Variants in NELL1 observed in about 807,000 individuals in gnomAD.
NELL1 encodes the protein neural EGFL like 1.
NELL1 carries 76 observed loss-of-function variants against 107.4 expected under a neutral mutation model. The ratio of observed to expected loss-of-function variants is 0.71; its 90% CI spans 0.59 to 0.86. NELL1 has a LOEUF of 0.86. NELL1 is among the 40% of genes least tolerant of loss of function. The pLI is 0.00. For synonymous variants in NELL1, 353 were observed against 341.2 expected, an observed-to-expected ratio of 1.03 and a Z score of -0.38; for missense variants, 1,024 against 1,005.5, an observed-to-expected ratio of 1.02 and a Z score of -0.25.
intron 15 of NELL1, among the ~76,000 whole-genome samples, chr11:21,496,709 G>C (rs1232535886): frequency 2.0e-5 from 3 of 152,018 alleles, no homozygotes; most frequent in African/African-American, 7.2e-5. Flanking sequence ...CGCCCAGCCT[G>C]TTCTTTTCTT....
chr11:21,254,563 A>C (rs1244689295), intron 14 of NELL1, among the ~76,000 whole-genome samples: 1 of 152,032 alleles, frequency 6.6e-6, no homozygotes, highest in African/African-American at 2.4e-5. Flanking sequence ...TAACATACAC[A>C]TGCCCGAGGG....
chr11:21,574,821 T>A lies in NELL1; in HGVS notation c.2383-151T>A, dbSNP rs1002579199. 1.4e-5 allele frequency: 9 copies of A among 639,288 alleles called. No individual in the cohort carries two copies. The South Asian group carries it at 1.6e-4, about 11-fold the overall frequency. 39.6% of individuals were successfully genotyped at this position (639,288 alleles called of 1,614,324 possible). On this transcript the variant is annotated intron_variant, in intron 19 of 19. Transcript: ENST00000357134. ...TCCTTTCTTTCTACTCTTTCTCTAG[T>A]TTTTTTCCTAGCATTTTTTTCTAGT...
chr11:21,405,553 A>G (rs1485992551), intron 15 of NELL1, among the ~76,000 whole-genome samples: 2 of 152,002 alleles, frequency 1.3e-5, no homozygotes, highest in East Asian at 3.9e-4. Context: ...GTTGGCCAAA[A>G]CAAACAGTTC....
At chr11:20,972,513 C>T (rs929951714) in intron 12 of NELL1, among the ~76,000 whole-genome samples, 12 of 151,812 alleles carry the variant, frequency 7.9e-5, no homozygotes, top group Admixed American at 7.2e-4. Context: ...ACACTGAGAC[C>T]GTAGCATGAG....
At chr11:21,119,564 A>T (rs546621519) in intron 13 of NELL1, among the ~76,000 whole-genome samples, 96 of 152,132 alleles carry the variant, frequency 6.3e-4, no homozygotes, top group Non-Finnish European at 1.3e-3. Context: ...TTTGTAGGGA[A>T]GTCTCCCTTG....
intron 5 of NELL1, among the ~76,000 whole-genome samples, chr11:20,897,886 T>TA (rs1849782997): frequency 6.6e-6 from 1 of 152,122 alleles, no homozygotes. Context: ...TCACACCAGT[T>TA]AGTATGGCGA....
chr11:20,674,459 C>G (rs1049808089), intron 1 of NELL1: 2 of 1,527,124 alleles, frequency 1.3e-6, no homozygotes, highest in Non-Finnish European at 1.8e-6. Context: ...TTTTTACACA[C>G]GGTAACCCAA....
rs1391213288 is a variant in NELL1, at chr11:21,570,887, C to T, written c.2104C>T (p.Leu702=). The T allele has an allele frequency of 1.2e-6, 2 of 1,611,842 alleles. No individual in the cohort carries two copies. Among genetic ancestry groups the T allele is most frequent in the African/African-American group, 1.3e-5 (1 of 74,806 alleles). ...SQCLDQNGHK[L]YRSGDNWTHS... is the part of the protein sequence containing the mutation. ...ATGTTTAGACCAAAATGGTCACAAG[C>T]TGTATCGAAGTGGAGACAATTGGAC... Residue 702 remains leucine (L), a synonymous_variant, in exon 18 of 20, where the codon CTG becomes TTG. Coordinates refer to ENST00000357134, the MANE Select transcript of NELL1 (RefSeq NM_006157.5).
chr11:20,719,903 G>GC (rs1855339531), intron 2 of NELL1, among the ~76,000 whole-genome samples: 1 of 69,046 alleles, frequency 1.4e-5, no homozygotes. Flanking sequence ...AAACCAGACT[G>GC]TTAGTCACTT....
intron 15 of NELL1, among the ~76,000 whole-genome samples, chr11:21,419,902 C>T (rs539314552): frequency 6.6e-6 from 1 of 152,208 alleles, no homozygotes; most frequent in African/African-American, 2.4e-5. Flanking sequence ...ATGCATTTGC[C>T]ATGCTGTTCC....
rs960060275 is a variant in NELL1, at chr11:20,943,114, C to T, written c.1072-4222C>T. On this transcript the variant is annotated intron_variant, in intron 10 of 19. Transcript: ENST00000357134. ...GGGGCAGACAGATTATTCTCTTGCA[C>T]AGGTAGTGTGTGTGTGCATGTGTGA... Among the ~76,000 whole-genome samples, 3 of 151,314 alleles carry T rather than the reference C, an allele frequency of 2.0e-5. No homozygotes were observed. The East Asian group carries it at 5.8e-4, about 29-fold the overall frequency.
Position 21,059,641 on chromosome 11 carries a change from G to A in NELL1, c.1301-53948G>A, listed in dbSNP as rs528571517. 1.1e-3 allele frequency among the ~76,000 whole-genome samples: 166 copies of A among 152,196 alleles called. No individual in the cohort carries two copies. In the Middle Eastern group the frequency reaches 0.014, roughly 13 times the overall value. The stretch of plus-strand genomic sequence containing the variant: ...ACACTAGGGTCTGAAAGTGATTAAC[G>A]TAATATGACTTAATTCCCCTACTCT... On this transcript the variant is annotated intron_variant, in intron 12 of 19. Coordinates refer to ENST00000357134, the MANE Select transcript of NELL1 (RefSeq NM_006157.5).
intron 2 of NELL1, among the ~76,000 whole-genome samples, chr11:20,772,181 A>G (rs1856653311): frequency 6.6e-6 from 1 of 152,162 alleles, no homozygotes; most frequent in Admixed American, 6.5e-5. Context: ...AGCCCACCAA[A>G]CTTTTAAAGC....
chr11:21,546,182 G>A (rs2133984063), intron 16 of NELL1, among the ~76,000 whole-genome samples: 1 of 152,056 alleles, frequency 6.6e-6, no homozygotes, highest in South Asian at 2.1e-4. Flanking sequence ...CTCTGACTCT[G>A]ATTTAACTTA....
At chr11:20,801,958 C>A (rs908476404) in intron 3 of NELL1, among the ~76,000 whole-genome samples, 2 of 152,132 alleles carry the variant, frequency 1.3e-5, no homozygotes, top group African/African-American at 2.4e-5. Flanking sequence ...GTTTTTATGC[C>A]AGTGCCATGC....
chr11:21,230,211 G>T (rs1036085461), intron 14 of NELL1, among the ~76,000 whole-genome samples: 5 of 152,078 alleles, frequency 3.3e-5, no homozygotes, highest in African/African-American at 1.2e-4. Flanking sequence ...CAAACAACCT[G>T]ACAGAACATC....
intron 12 of NELL1, among the ~76,000 whole-genome samples, chr11:20,983,464 T>C (rs1851789237): frequency 6.6e-6 from 1 of 152,168 alleles, no homozygotes; most frequent in Non-Finnish European, 1.5e-5. Flanking sequence ...AGATGTATGA[T>C]CTCTGCCCTG....
chr11:21,279,231 T>C (rs1848938274), intron 14 of NELL1, among the ~76,000 whole-genome samples: 2 of 152,138 alleles, frequency 1.3e-5, no homozygotes, highest in Non-Finnish European at 1.5e-5. Flanking sequence ...ATTTTTTAGA[T>C]ACAGTCAAGG....
chr11:21,398,029 A>ATAT (rs990176737), intron 15 of NELL1, among the ~76,000 whole-genome samples: 16 of 151,360 alleles, frequency 1.1e-4, no homozygotes, highest in African/African-American at 3.1e-4. Flanking sequence ...TAAGATCTAC[A>ATAT]TATTAAAAAT....
Sources: gnomAD v4.1 joint callset for allele counts (sites outside exome capture counted in the v4.1 genomes callset) on GRCh38, gnomAD v4.1.1 for gene constraint, MANE v1.5 for transcripts, NCBI Gene and HGNC (gene_info 2026-07-23, HGNC 2026-07-21) for gene names.